Variants in ENOX1 observed in about 807,000 individuals in gnomAD.
ENOX1 encodes the protein ecto-NOX disulfide-thiol exchanger 1, also known as candidate growth-related and time keeping constitutive hydroquinone (NADH) oxidase.
ENOX1 carries 42 observed loss-of-function variants against 82.5 expected under a neutral mutation model. The observed-to-expected ratio is 0.51, with a 90% CI of 0.40 to 0.66. The LOEUF is 0.66. Ranked by LOEUF, ENOX1 falls within the 30% of genes least tolerant of loss-of-function variation. The pLI is 0.00. For synonymous variants in ENOX1, 271 were observed against 282.2 expected, an observed-to-expected ratio of 0.96 and a Z score of 0.40; for missense variants, 608 against 811.6, an observed-to-expected ratio of 0.75 and a Z score of 3.05.
chr13:43,630,993 C>G (rs560401050), intron 2 of ENOX1, among the ~76,000 whole-genome samples: 1 of 152,060 alleles, frequency 6.6e-6, no homozygotes, highest in Admixed American at 6.6e-5. Flanking sequence ...GTAAATACCA[C>G]TTTGAACTCT....
intron 1 of ENOX1, among the ~76,000 whole-genome samples, chr13:43,684,880 CTCAG>C (rs2085985996): frequency 6.6e-6 from 1 of 152,102 alleles, no homozygotes; most frequent in Admixed American, 6.6e-5. Flanking sequence ...ATATGTTATA[CTCAG>C]TCAAATCAAA....
At chr13:43,282,942 A>G (rs1021547712) in intron 12 of ENOX1, among the ~76,000 whole-genome samples, 1 of 151,836 alleles carries the variant, frequency 6.6e-6, no homozygotes, top group Non-Finnish European at 1.5e-5. Flanking sequence ...AAAATACAAA[A>G]TTAGCTGGGC....
At chr13:43,605,357 T>C (rs1450313978) in intron 2 of ENOX1, among the ~76,000 whole-genome samples, 4 of 152,084 alleles carry the variant, frequency 2.6e-5, no homozygotes, top group African/African-American at 9.7e-5. Context: ...GCCAAAGCTA[T>C]ACCAAGCAAA....
chr13:43,598,816 G>T (rs1474263559), intron 2 of ENOX1, among the ~76,000 whole-genome samples: 1 of 151,972 alleles, frequency 6.6e-6, no homozygotes, highest in African/African-American at 2.4e-5. Flanking sequence ...TTTTTTTTAG[G>T]ATCCAAGGAG....
rs538863878 is a variant in ENOX1 at position 43,293,851 on chromosome 13, G to A, written c.1446+4495C>T. On this transcript the variant is annotated intron_variant, in intron 12 of 16. Transcript: ENST00000690772. ...CTTTGTATTTTAGGAAAGTAGTAAT[G>A]TTATATTTCTTCATCTTCCATAAAA... 2.6e-5 allele frequency among the ~76,000 whole-genome samples: 4 copies of A among 152,258 alleles called. No individual in the cohort carries two copies. In the South Asian group the frequency reaches 8.3e-4, roughly 32 times the overall value.
At chr13:43,358,459 G>T (rs969191904) in intron 7 of ENOX1, among the ~76,000 whole-genome samples, 2 of 150,776 alleles carry the variant, frequency 1.3e-5, no homozygotes, top group Non-Finnish European at 1.5e-5. Context: ...GGGGGCGGGG[G>T]GTCCTGGAAC....
At chr13:43,405,398 C>A (rs1195850344) in intron 5 of ENOX1, among the ~76,000 whole-genome samples, 2 of 152,126 alleles carry the variant, frequency 1.3e-5, no homozygotes, top group African/African-American at 4.8e-5. Flanking sequence ...GCCACCAAAG[C>A]CATACCTCCA....
intron 2 of ENOX1, among the ~76,000 whole-genome samples, chr13:43,512,749 G>C (rs2077417423): frequency 1.3e-5 from 2 of 151,580 alleles, no homozygotes; most frequent in Non-Finnish European, 2.9e-5. Flanking sequence ...ACATCAGTCA[G>C]TAATAAACCT....
intron 5 of ENOX1, among the ~76,000 whole-genome samples, chr13:43,397,829 T>C (rs540659703): frequency 6.6e-6 from 1 of 152,352 alleles, no homozygotes; most frequent in Non-Finnish European, 1.5e-5. Context: ...TCTTAGTCTA[T>C]GGGGAGCTTC....
At chr13:43,306,354 G>A (rs1035579127) in intron 11 of ENOX1, among the ~76,000 whole-genome samples, 1 of 152,072 alleles carries the variant, frequency 6.6e-6, no homozygotes, top group Non-Finnish European at 1.5e-5. Flanking sequence ...CTTTTAATTC[G>A]ATTTTAGTTT....
chr13:43,656,796 G>A (rs1170047200), intron 2 of ENOX1, among the ~76,000 whole-genome samples: 7 of 127,836 alleles, frequency 5.5e-5, no homozygotes, highest in Non-Finnish European at 1.0e-4. Context: ...ATTCTCAAGC[G>A]CCTTTCTATT....
At chr13:43,516,592 C>A (rs549383211) in intron 2 of ENOX1, among the ~76,000 whole-genome samples, 14 of 152,252 alleles carry the variant, frequency 9.2e-5, no homozygotes, top group African/African-American at 3.4e-4. Context: ...AAACAAAATT[C>A]TTTTGCACAA....
chr13:43,456,894 G>A (rs971527830), intron 3 of ENOX1, among the ~76,000 whole-genome samples: 1 of 152,108 alleles, frequency 6.6e-6, no homozygotes, highest in African/African-American at 2.4e-5. Context: ...GAATCTGAAG[G>A]CTTTGCTCAG....
chr13:43,538,801 C>T (rs891081441), intron 2 of ENOX1, among the ~76,000 whole-genome samples: 1 of 137,674 alleles, frequency 7.3e-6, no homozygotes, highest in African/African-American at 2.7e-5. Flanking sequence ...TAATAGACTT[C>T]TCAAGAAAAC....
At chr13:43,598,962 G>A (rs1008948590) in intron 2 of ENOX1, among the ~76,000 whole-genome samples, 6 of 152,140 alleles carry the variant, frequency 3.9e-5, no homozygotes, top group African/African-American at 1.4e-4. Flanking sequence ...ACGTAAATGT[G>A]TTAACAGTGC....
At chr13:43,415,357 C>G (rs2054402543) in intron 3 of ENOX1, among the ~76,000 whole-genome samples, 1 of 141,302 alleles carries the variant, frequency 7.1e-6, no homozygotes, top group South Asian at 2.4e-4. Flanking sequence ...AACACATGAA[C>G]AAAGGTCTCT....
intron 2 of ENOX1, among the ~76,000 whole-genome samples, chr13:43,530,652 T>C (rs1324854798): frequency 2.0e-5 from 3 of 152,128 alleles, no homozygotes; most frequent in Non-Finnish European, 2.9e-5. Context: ...GCAACAATTG[T>C]ATAAAACAAA....
chr13:43,771,798 TC>T (rs1324453262), intron 1 of ENOX1, among the ~76,000 whole-genome samples: 1 of 151,918 alleles, frequency 6.6e-6, no homozygotes, highest in Non-Finnish European at 1.5e-5. Context: ...GGAGTCTCGC[TC>T]TGTCGCCCAG....
intron 1 of ENOX1, among the ~76,000 whole-genome samples, chr13:43,746,844 T>C (rs1015307815): frequency 3.3e-5 from 5 of 152,170 alleles, no homozygotes; most frequent in Admixed American, 6.5e-5. Context: ...TGACTCCAAA[T>C]CCATTAACCT....
Sources: allele counts gnomAD v4.1 joint callset (sites outside exome capture counted in the v4.1 genomes callset), GRCh38; gene constraint gnomAD v4.1.1; transcripts MANE v1.5; gene names NCBI Gene and HGNC (gene_info 2026-07-23, HGNC 2026-07-21).